Variants in ATP8A1 observed in about 807,000 individuals in gnomAD.
The protein encoded by ATP8A1 is ATPase phospholipid transporting 8A1.
ATP8A1 carries 90 observed loss-of-function variants against 177.7 expected under a neutral mutation model. That is an observed-to-expected ratio of 0.51 (90% CI 0.43 to 0.60). ATP8A1 has a LOEUF of 0.60. ATP8A1 is among the 20% of genes least tolerant of loss of function. The probability of loss-of-function intolerance (pLI) is 0.00; values close to 1 mark genes in which losing one functional copy is unlikely to be tolerated. For missense variants in ATP8A1, 1,072 were observed against 1,392.8 expected, an observed-to-expected ratio of 0.77 and a Z score of 3.67; for synonymous variants, 493 against 485.9, an observed-to-expected ratio of 1.01 and a Z score of -0.19.
chr4:42,482,068 C>T (rs1189140944), intron 25 of ATP8A1, among the ~76,000 whole-genome samples: 2 of 152,138 alleles, frequency 1.3e-5, no homozygotes, highest in South Asian at 2.1e-4. Flanking sequence ...TTTGGGAGGC[C>T]GAGTGTGTGG....
intron 24 of ATP8A1, among the ~76,000 whole-genome samples, chr4:42,491,524 A>G (rs12508916): frequency 0.1 from 15,832 of 152,240 alleles, 1,024 homozygotes; most frequent in Middle Eastern, 0.17. Flanking sequence ...ACAGGCCTAT[A>G]TCATAAACGT....
chr4:42,583,636 C>T (rs1017634933), intron 9 of ATP8A1, among the ~76,000 whole-genome samples: 1 of 152,224 alleles, frequency 6.6e-6, no homozygotes, highest in Non-Finnish European at 1.5e-5. Context: ...TCCAAGGCTT[C>T]TGGCATTAGA....
intron 14 of ATP8A1, among the ~76,000 whole-genome samples, chr4:42,569,502 T>G (rs1401135479): frequency 6.6e-6 from 1 of 152,222 alleles, no homozygotes; most frequent in Non-Finnish European, 1.5e-5. Context: ...TTATTTCAAC[T>G]TAGCAGTTGA....
intron 16 of ATP8A1, among the ~76,000 whole-genome samples, chr4:42,553,942 G>A (rs996009701): frequency 2.0e-5 from 3 of 152,134 alleles, no homozygotes; most frequent in Admixed American, 6.5e-5. Context: ...CATCAAGCAG[G>A]AAAGGTCGTA....
At chr4:42,472,804 C>T (rs1261866466) in intron 25 of ATP8A1, among the ~76,000 whole-genome samples, 1 of 150,840 alleles carries the variant, frequency 6.6e-6, no homozygotes, top group Non-Finnish European at 1.5e-5. Context: ...GAGGCAGTTC[C>T]TAAAAACATT....
At chr4:42,488,114 C>T (rs538289540) in intron 24 of ATP8A1, among the ~76,000 whole-genome samples, 102 of 152,124 alleles carry the variant, frequency 6.7e-4, no homozygotes, top group Non-Finnish European at 1.4e-3. Context: ...CCTGGATTAT[C>T]TTAACAGCAA....
chr4:42,442,568 C>A (rs1459279676), intron 33 of ATP8A1, among the ~76,000 whole-genome samples: 1 of 152,210 alleles, frequency 6.6e-6, no homozygotes, highest in African/African-American at 2.4e-5. Flanking sequence ...CTTGATATGT[C>A]TGGTTTTGCT....
At chr4:42,518,473 C>A (rs955259126) in intron 22 of ATP8A1, among the ~76,000 whole-genome samples, 2 of 152,172 alleles carry the variant, frequency 1.3e-5, no homozygotes, top group African/African-American at 4.8e-5. Context: ...GCCTGGAGCA[C>A]CCACGAGGGC....
chr4:42,466,738 C>T (rs946708288), intron 25 of ATP8A1, among the ~76,000 whole-genome samples: 5 of 152,230 alleles, frequency 3.3e-5, no homozygotes, highest in Non-Finnish European at 7.3e-5. Context: ...CATTAGCAGG[C>T]TATTTCACTG....
At chr4:42,603,056 GTTTT>G (rs997094922) in intron 5 of ATP8A1, among the ~76,000 whole-genome samples, 2 of 151,498 alleles carry the variant, frequency 1.3e-5, no homozygotes, top group African/African-American at 2.4e-5. Flanking sequence ...GTAATACTTA[GTTTT>G]TTTTAAAAAA....
At chr4:42,503,402 C>T in intron 24 of ATP8A1, 48 bp downstream of exon 24, 1 of 1,080,090 alleles carries the variant, frequency 9.3e-7, no homozygotes, top group Non-Finnish European at 1.4e-6. Flanking sequence ...AATACTATAG[C>T]ATGAATATAT....
chr4:42,469,334 C>T (rs568972115), intron 25 of ATP8A1, among the ~76,000 whole-genome samples: 7 of 152,102 alleles, frequency 4.6e-5, no homozygotes, highest in Non-Finnish European at 1.0e-4. Context: ...TCATGGAAGC[C>T]GAAGAGCATG....
intron 6 of ATP8A1, among the ~76,000 whole-genome samples, chr4:42,596,410 C>T (rs1345065993): frequency 1.3e-5 from 2 of 152,126 alleles, no homozygotes; most frequent in Non-Finnish European, 2.9e-5. Context: ...TGGCTCACAC[C>T]TGTAATCCCC....
Position 42,485,510 on chromosome 4 carries a change from A to G in ATP8A1, c.2310T>C (p.Ala770=). 2 of 1,610,898 alleles carry G rather than the reference A, an allele frequency of 1.2e-6. No homozygotes were observed. The highest frequency in any genetic ancestry group is 2.7e-5 in the African/African-American group (2 of 74,934). Residue 770 remains alanine (A), a synonymous_variant, in exon 25 of 37, where the codon GCT becomes GCC. Coordinates refer to ENST00000381668, the MANE Select transcript of ATP8A1 (RefSeq NM_006095.2). ...YFLDLALSCK[A]VICCRVSPLQ... ...GGAGAACTTACCGACAGCAAATGAC[A>G]GCTTTGCATGACAAAGCTAAGTCCA...
chr4:42,625,752 A>T (rs371087855), intron 2 of ATP8A1, 39 bp from the exon 3 acceptor site: 6 of 1,258,158 alleles, frequency 4.8e-6, no homozygotes, highest in South Asian at 2.7e-5. Flanking sequence ...AAACTTCTCC[A>T]TAATTAGCAC....
chr4:42,606,200 C>T (rs1006639687), intron 5 of ATP8A1, among the ~76,000 whole-genome samples: 10 of 152,318 alleles, frequency 6.6e-5, no homozygotes, highest in African/African-American at 1.9e-4. Flanking sequence ...CACAAGACTT[C>T]ACAGGATGTA....
chr4:42,544,665 A>G (rs889345934), intron 19 of ATP8A1, among the ~76,000 whole-genome samples: 10 of 152,214 alleles, frequency 6.6e-5, no homozygotes, highest in African/African-American at 2.4e-4. Flanking sequence ...AGAAACTGCG[A>G]CAGCATTACA....
intron 1 of ATP8A1, among the ~76,000 whole-genome samples, chr4:42,628,189 G>T (rs942683669): frequency 6.6e-6 from 1 of 152,046 alleles, no homozygotes; most frequent in Non-Finnish European, 1.5e-5. Flanking sequence ...GTTTTTTGGG[G>T]GCAAGAAAAG....
At chr4:42,551,084 C>T in intron 18 of ATP8A1, 114 bp downstream of exon 18, 1 of 808,804 alleles carries the variant, frequency 1.2e-6, no homozygotes, top group Non-Finnish European at 2.1e-6. Context: ...CCAGTAGTTG[C>T]TTCTGGAGTG....
Sources: allele counts gnomAD v4.1 joint callset (sites outside exome capture counted in the v4.1 genomes callset), GRCh38; gene constraint gnomAD v4.1.1; transcripts MANE v1.5; gene names NCBI Gene and HGNC (gene_info 2026-07-23, HGNC 2026-07-21).